The following CNTNAP5 variants were observed in gnomAD, a reference collection of about 807,000 sequenced individuals.
CNTNAP5 encodes contactin-associated protein-like 5.
In CNTNAP5, 72 loss-of-function variants were observed where a neutral mutation model predicts 150.2. The observed-to-expected ratio is 0.48, with a 90% CI of 0.40 to 0.58. CNTNAP5 has a LOEUF of 0.58. Ranked by LOEUF, CNTNAP5 falls within the 20% of genes least tolerant of loss-of-function variation. The pLI, the probability that CNTNAP5 is intolerant of heterozygous loss-of-function variation, is 0.00. For synonymous variants in CNTNAP5, 672 were observed against 619.8 expected (o/e 1.08, Z -1.25); for missense variants, 1,636 against 1,626.2 (o/e 1.01, Z -0.10).
intron 13 of CNTNAP5, among the ~76,000 whole-genome samples, chr2:124,651,975 G>A (rs908106165): frequency 1.3e-5 from 2 of 152,174 alleles, no homozygotes; most frequent in African/African-American, 4.8e-5. Flanking sequence ...ATTTAGCAGC[G>A]GCAGAGGGAG....
At position 124,025,778 on chromosome 2, in the gene CNTNAP5, C is replaced by G. The variant is rs377328203; in HGVS notation, c.82+46C>G. 5 of 1,441,266 alleles carry G rather than the reference C, an allele frequency of 3.5e-6. No homozygotes were observed. In the East Asian group the frequency reaches 1.1e-4, roughly 33 times the overall value. The allele number at this position is 1,441,266 out of a possible 1,614,324, so 89.3% of individuals were successfully genotyped here. A position where few individuals can be genotyped will look rare whatever the true frequency, so the allele number is the denominator to read the frequency against. On this transcript the variant is annotated intron_variant, in intron 1 of 23. Coordinates refer to ENST00000682447, the MANE Select transcript of CNTNAP5 (RefSeq NM_001367498.1). Reference sequence around the variant, plus strand: ...GCGGGAAGGTGAGGTGGAAAACGATCGCATTCAGAAAGACAATCAACTATC... The same window carrying G: ...GCGGGAAGGTGAGGTGGAAAACGATGGCATTCAGAAAGACAATCAACTATC...
At chr2:124,194,464 C>T (rs1281344731) in intron 1 of CNTNAP5, among the ~76,000 whole-genome samples, 1 of 146,976 alleles carries the variant, frequency 6.8e-6, no homozygotes, top group African/African-American at 2.5e-5. Flanking sequence ...CCTGTTTTCT[C>T]TTTTCTAGAA....
At chr2:124,621,291 G>A (rs923272997) in intron 12 of CNTNAP5, among the ~76,000 whole-genome samples, 3 of 152,166 alleles carry the variant, frequency 2.0e-5, no homozygotes, top group Admixed American at 2.0e-4. Flanking sequence ...TGGATTCAAT[G>A]CCAATTTCAT....
chr2:124,796,405 G>A (rs1311756247), intron 18 of CNTNAP5, among the ~76,000 whole-genome samples: 1 of 152,100 alleles, frequency 6.6e-6, no homozygotes, highest in African/African-American at 2.4e-5. Flanking sequence ...ATATCCCTGA[G>A]TAAATTTACT....
intron 13 of CNTNAP5, among the ~76,000 whole-genome samples, chr2:124,657,906 T>G (rs1678492924): frequency 6.6e-6 from 1 of 152,252 alleles, no homozygotes; most frequent in Non-Finnish European, 1.5e-5. Context: ...TGCTTCATCC[T>G]TCCTGAATAG....
chr2:124,623,381 A>C (rs1008407528), intron 12 of CNTNAP5, among the ~76,000 whole-genome samples: 1 of 152,134 alleles, frequency 6.6e-6, no homozygotes, highest in Non-Finnish European at 1.5e-5. Context: ...CATGGCTTAC[A>C]ATGTTTGAAG....
chr2:124,700,818 A>G (rs1304572566), intron 13 of CNTNAP5, among the ~76,000 whole-genome samples: 1 of 152,050 alleles, frequency 6.6e-6, no homozygotes, highest in African/African-American at 2.4e-5. Flanking sequence ...AAGGTATACA[A>G]AACATGATAT....
At chr2:124,254,435 A>G (rs1055183980) in intron 3 of CNTNAP5, among the ~76,000 whole-genome samples, 1 of 152,162 alleles carries the variant, frequency 6.6e-6, no homozygotes, top group Non-Finnish European at 1.5e-5. Flanking sequence ...TGCGCAGTCC[A>G]GCCTTTCTCC....
chr2:124,893,859 C>T (rs778646003), intron 21 of CNTNAP5, among the ~76,000 whole-genome samples: 35 of 152,012 alleles, frequency 2.3e-4, no homozygotes, highest in Middle Eastern at 3.4e-3. Context: ...GGCCAGTATA[C>T]GACTCATCAG....
At chr2:124,733,823 C>T (rs1680325590) in intron 13 of CNTNAP5, among the ~76,000 whole-genome samples, 1 of 152,102 alleles carries the variant, frequency 6.6e-6, no homozygotes, top group African/African-American at 2.4e-5. Flanking sequence ...CACAGTGAGC[C>T]CACACTGCAG....
At chr2:124,225,107 G>C (rs1454747443) in intron 2 of CNTNAP5, among the ~76,000 whole-genome samples, 1 of 152,154 alleles carries the variant, frequency 6.6e-6, no homozygotes, top group Non-Finnish European at 1.5e-5. Flanking sequence ...TGGTGAGATT[G>C]TGTGCCTAAG....
chr2:124,389,518 AT>A (rs1212994150), intron 3 of CNTNAP5, among the ~76,000 whole-genome samples: 1 of 152,222 alleles, frequency 6.6e-6, no homozygotes, highest in Non-Finnish European at 1.5e-5. Context: ...AGACAAAAAA[AT>A]TCATCTATGT....
At chr2:124,400,570 G>T (rs542111753) in intron 3 of CNTNAP5, among the ~76,000 whole-genome samples, 2 of 151,888 alleles carry the variant, frequency 1.3e-5, no homozygotes, top group Non-Finnish European at 2.9e-5. Flanking sequence ...CTAATAGAAG[G>T]TTGGGCTGCC....
At chr2:124,610,041 T>A in intron 12 of CNTNAP5, 121 bp downstream of exon 12, 1 of 1,132,024 alleles carries the variant, frequency 8.8e-7, no homozygotes, top group Non-Finnish European at 1.2e-6. Context: ...CTGGTCTCCT[T>A]TGGGGAGGAA....
intron 3 of CNTNAP5, among the ~76,000 whole-genome samples, chr2:124,367,544 G>T (rs1008662017): frequency 1.3e-5 from 2 of 152,124 alleles, no homozygotes; most frequent in Non-Finnish European, 2.9e-5. Flanking sequence ...TTCAAGATGA[G>T]ATTTGGGTGG....
intron 3 of CNTNAP5, among the ~76,000 whole-genome samples, chr2:124,315,318 T>G (rs907911005): frequency 6.6e-6 from 1 of 152,174 alleles, no homozygotes; most frequent in Non-Finnish European, 1.5e-5. Flanking sequence ...GCCTATGCTA[T>G]CCTTCCTCCA....
chr2:124,908,514 A>G (rs942543853), intron 22 of CNTNAP5, among the ~76,000 whole-genome samples: 1 of 152,188 alleles, frequency 6.6e-6, no homozygotes, highest in Non-Finnish European at 1.5e-5. Flanking sequence ...CAGTGGTCCT[A>G]TAAGACTATA....
intron 19 of CNTNAP5, among the ~76,000 whole-genome samples, chr2:124,838,567 C>G (rs537415539): frequency 6.6e-6 from 1 of 152,284 alleles, no homozygotes; most frequent in East Asian, 1.9e-4. Context: ...AGGCAACATT[C>G]CTAACTTACT....
chr2:124,588,213 TTTCTTTCTTTC>T (rs1312809149), intron 11 of CNTNAP5, among the ~76,000 whole-genome samples: 1 of 148,122 alleles, frequency 6.8e-6, no homozygotes, highest in Admixed American at 6.8e-5. Context: ...TCTTTCTTTC[TTTCTTTCTTTC>T]TTTCTTTCTT....
Sources: gnomAD v4.1 joint callset for allele counts (sites outside exome capture counted in the v4.1 genomes callset) on GRCh38, gnomAD v4.1.1 for gene constraint, MANE v1.5 for transcripts, NCBI Gene and HGNC (gene_info 2026-07-23, HGNC 2026-07-21) for gene names.